Variants in GP1BA observed in about 807,000 individuals in gnomAD.
GP1BA encodes the protein platelet glycoprotein Ib alpha chain.
In GP1BA, 3 loss-of-function variants were observed where a neutral mutation model predicts 5.6. The ratio of observed to expected loss-of-function variants is 0.53; its 90% CI spans 0.24 to 1.38. The LOEUF (loss-of-function observed/expected upper bound fraction) is 1.38. Ranked by LOEUF, GP1BA falls within the 40% of genes most tolerant of loss-of-function variation. The pLI is 0.16. For missense variants in GP1BA, 707 were observed against 801.4 expected, an observed-to-expected ratio of 0.88 and a Z score of 1.42; for synonymous variants, 323 against 358.3, an observed-to-expected ratio of 0.90 and a Z score of 1.11.
chr17:4,932,839 G>C lies in GP1BA; in HGVS notation c.235G>C (p.Asp79His). The C allele has an allele frequency of 6.2e-7, 1 of 1,614,054 alleles. No individual in the cohort carries two copies. The change falls in exon 2 of 2, where the codon GAT (aspartate) becomes CAT (histidine). Residue 79 changes from aspartate (D) to histidine (H), a missense_variant. By Grantham distance (81) the Asp-to-His change is moderately conservative. Around this residue, in one of 3 missense-constraint regions of GP1BA, gnomAD observed 442 missense variants for 498.8 expected, o/e 0.89. Transcript: ENST00000329125. This position sits in a 1 kb window ranked among gnomAD's most constrained non-coding sequence, Gnocchi z 4.8. ...PYTRLTQLNL[D>H]RCELTKLQVD... Reference sequence around the variant, plus strand: ...CACTCGCCTCACTCAGCTGAACCTAGATAGGTGCGAGCTCACCAAGCTCCA... The same window carrying C: ...CACTCGCCTCACTCAGCTGAACCTACATAGGTGCGAGCTCACCAAGCTCCA...
At position 4,932,398 on chromosome 17, in the gene GP1BA, G is replaced by A. The variant is rs2243109; in HGVS notation, c.-7+33G>A. On this transcript the variant is annotated intron_variant, in intron 1 of 1. Transcript: ENST00000329125. This position sits in a 1 kb window ranked among gnomAD's most constrained non-coding sequence, Gnocchi z 4.8. ...GGGGTTGGTGCTGGGGCAGGAGAGG[G>A]GTCTGAGGGAGGGGAAAGAGCCAAG... 19,212 of 1,401,286 alleles carry A rather than the reference G, an allele frequency of 0.014. 159 individuals are homozygous for A. The highest frequency in any genetic ancestry group is 0.016 in the Non-Finnish European group (17,153 of 1,075,216). 86.8% of individuals were successfully genotyped at this position (1,401,286 alleles called of 1,614,324 possible). A position where few individuals can be genotyped will look rare whatever the true frequency, so the allele number is the denominator to read the frequency against.
rs769549652 is a variant in GP1BA, at chr17:4,933,094, C to G, written c.490C>G (p.Pro164Ala). 2.5e-6 allele frequency: 4 copies of G among 1,613,850 alleles called. No homozygotes were observed. Among genetic ancestry groups the G allele is most frequent in the Admixed American group, 3.3e-5 (2 of 60,006 alleles). The change falls in exon 2 of 2, where the codon CCC becomes GCC. Residue 164 changes from proline to alanine, a missense_variant. Pro to Ala is a conservative substitution (Grantham distance 27). Coordinates refer to ENST00000329125, the MANE Select transcript of GP1BA (RefSeq NM_000173.7). ...TLPPGLLTPTPKLEKLSLANN... is the reference protein window; with the variant it reads ...TLPPGLLTPTAKLEKLSLANN... ...GCCCCCAGGGCTCCTGACGCCCACA[C>G]CCAAGCTGGAGAAGCTCAGTCTGGC...
In GP1BA at chr17:4,933,891, G is replaced by T. The variant is rs1567648456; in HGVS notation, c.1287G>T (p.Glu429Asp). 1.4e-5 allele frequency: 10 copies of T among 735,456 alleles called. 1 individual carries two copies. The highest frequency in any genetic ancestry group is 2.5e-4 in the East Asian group (1 of 4,066). The allele number at this position is 735,456 out of a possible 1,614,324, so 45.6% of individuals were successfully genotyped here. A position where few individuals can be genotyped will look rare whatever the true frequency, so the allele number is the denominator to read the frequency against. ...CGACCACCCCGGAGCCCACCTCAGA[G>T]CCCGCCCCCAGCCCGACCACCCCAG... ...PSPTTPEPTS[E>D]PAPSPTTPEP... is the part of the protein sequence containing the mutation. The change falls in exon 2 of 2, where the codon GAG (glutamate) becomes GAT (aspartate). Residue 429 changes from glutamate to aspartate, a missense_variant. Transcript: ENST00000329125.
At position 4,933,475 on chromosome 17, in the gene GP1BA, C is replaced by G. The variant is rs770059537; in HGVS notation, c.871C>G (p.Leu291Val). 1 of 1,613,752 alleles carries G rather than the reference C, an allele frequency of 6.2e-7. No individual in the cohort carries two copies. The highest frequency in any genetic ancestry group is 1.3e-5 in the African/African-American group (1 of 74,860). Reference sequence around the variant, plus strand: ...CCTTGGTGATGAAGGTGACACAGACCTATATGATTACTACCCAGAAGAGGA... The same window carrying G: ...CCTTGGTGATGAAGGTGACACAGACGTATATGATTACTACCCAGAAGAGGA... ...PTLGDEGDTD[L>V]YDYYPEEDTE... The change falls in exon 2 of 2, where the codon CTA (leucine) becomes GTA (valine). Residue 291 changes from leucine (L) to valine (V), a missense_variant. Coordinates refer to ENST00000329125, the MANE Select transcript of GP1BA (RefSeq NM_000173.7).
At position 4,933,199 on chromosome 17, in the gene GP1BA, T is replaced by C; in HGVS notation, c.595T>C (p.Ser199Pro). 6.2e-7 allele frequency: 1 copy of C among 1,614,010 alleles called. No individual in the cohort carries two copies. Among genetic ancestry groups the C allele is most frequent in the Non-Finnish European group, 8.5e-7 (1 of 1,179,886 alleles). Residue 199 changes from serine to proline, a missense_variant, in exon 2 of 2, where the codon TCG becomes CCG. Transcript: ENST00000329125. ...CGACACCCTTCTCCTCCAAGAGAAC[T>C]CGCTGTATACAATACCAAAGGGCTT... ...NLDTLLLQEN[S>P]LYTIPKGFFG...
chr17:4,933,161 G>C lies in GP1BA; in HGVS notation c.557G>C (p.Gly186Ala). ...GAGCTCCCCGCTGGGCTCCTGAATGGGCTGGAGAATCTCGACACCCTTCTC... is the reference window on the plus strand; with the variant it reads ...GAGCTCCCCGCTGGGCTCCTGAATGCGCTGGAGAATCTCGACACCCTTCTC... ...LTELPAGLLN[G>A]LENLDTLLLQ... is the part of the protein sequence containing the mutation. Residue 186 changes from glycine (G) to alanine (A), a missense_variant, in exon 2 of 2, where the codon GGG becomes GCG. Transcript: ENST00000329125. 1 of 1,613,940 alleles carries C rather than the reference G, an allele frequency of 6.2e-7. No individual in the cohort carries two copies. The highest frequency in any genetic ancestry group is 8.5e-7 in the Non-Finnish European group (1 of 1,179,852).
rs201621946 is a variant in GP1BA at position 4,934,507 on chromosome 17, C to T, written c.1903C>T (p.Arg635Cys). The T allele has an allele frequency of 6.9e-5, 112 of 1,614,024 alleles. No homozygotes were observed. The highest frequency in any genetic ancestry group is 4.9e-4 in the Middle Eastern group (3 of 6,062). Residue 635 changes from arginine (R) to cysteine (C), a missense_variant, in exon 2 of 2, where the codon CGT becomes TGT. This residue lies in a region of GP1BA where 247 missense variants were observed against 246.6 expected (regional missense o/e 1.00). Coordinates refer to ENST00000329125, the MANE Select transcript of GP1BA (RefSeq NM_000173.7). ...GAGGCCCTCAGCTCTGAGTCAGGGT[C>T]GTGGTCAGGACCTGCTGAGCACAGT... ...GRRPSALSQG[R>C]GQDLLSTVSI...
In GP1BA at chr17:4,934,892, A is replaced by G. The variant is rs967227878; in HGVS notation, c.*329A>G. ...CAGAAGAAAATCTGGAAAGTGATTT[A>G]TCAGGATGTGAGCACTCGTTGTGTC... On this transcript the variant is annotated 3_prime_UTR_variant, in exon 2 of 2. Transcript: ENST00000329125. 7.4e-6 allele frequency: 3 copies of G among 406,590 alleles called. No homozygotes were observed. Among genetic ancestry groups the G allele is most frequent in the East Asian group, 1.1e-4 (2 of 19,012 alleles). 25.2% of individuals were successfully genotyped at this position (406,590 alleles called of 1,614,324 possible).
chr17:4,933,350 G>C lies in GP1BA; in HGVS notation c.746G>C (p.Gly249Ala). ...GAAAATGTCTACGTATGGAAGCAAG[G>C]TGTGGACGTCAAGGCCATGACCTCT... is the stretch of plus-strand genomic sequence containing the variant. ...NAENVYVWKQ[G>A]VDVKAMTSNV... The change falls in exon 2 of 2, where the codon GGT (glycine) becomes GCT (alanine). Residue 249 changes from glycine (G) to alanine (A), a missense_variant. Gly to Ala is a moderately conservative substitution (Grantham distance 60, BLOSUM62 0). Coordinates refer to ENST00000329125, the MANE Select transcript of GP1BA (RefSeq NM_000173.7). 6.2e-7 allele frequency: 1 copy of C among 1,614,000 alleles called. No individual in the cohort carries two copies. Among genetic ancestry groups the C allele is most frequent in the Non-Finnish European group, 8.5e-7 (1 of 1,179,888 alleles).
rs1380752202 is a variant in GP1BA at position 4,934,552 on chromosome 17, C to A, written c.1948C>A (p.His650Asn). Residue 650 changes from histidine (H) to asparagine (N), a missense_variant, in exon 2 of 2, where the codon CAC becomes AAC. Physicochemically the swap from His to Asn is moderately conservative, Grantham distance 68. Around this residue, in one of 3 missense-constraint regions of GP1BA, gnomAD observed 247 missense variants for 246.6 expected, o/e 1.00. Transcript: ENST00000329125. ...LSTVSIRYSG[H>N]SL ...CACAGTGAGCATTAGGTACTCTGGC[C>A]ACAGCCTCTGAGGGTGGGAGGTTTG... The A allele has an allele frequency of 6.2e-7, 1 of 1,613,824 alleles. No homozygotes were observed. The highest frequency in any genetic ancestry group is 8.5e-7 in the Non-Finnish European group (1 of 1,179,890).
In GP1BA at chr17:4,932,321, A is replaced by C. The variant is rs974847989; in HGVS notation, c.-51A>C. 8 of 1,292,438 alleles carry C rather than the reference A, an allele frequency of 6.2e-6. No individual in the cohort carries two copies. The highest frequency in any genetic ancestry group is 6.9e-6 in the Non-Finnish European group (7 of 1,012,716). 80.1% of individuals were successfully genotyped at this position (1,292,438 alleles called of 1,614,324 possible). A position where few individuals can be genotyped will look rare whatever the true frequency, so the allele number is the denominator to read the frequency against. ...AGAGAGAAGGACGGAGTCGAGTGGC[A>C]CCCTAGAAGACGCTCTGTGCCTTCG... On this transcript the variant is annotated 5_prime_UTR_variant, in exon 1 of 2. Transcript: ENST00000329125. This position sits in a 1 kb window ranked among gnomAD's most constrained non-coding sequence, Gnocchi z 4.8.
At position 4,934,101 on chromosome 17, in the gene GP1BA, T is replaced by A. The variant is rs1387916977; in HGVS notation, c.1497T>A (p.Asp499Glu). Reference sequence around the variant, plus strand: ...CCAAAAAAACCATCCCTGAACTTGATCAGCCACCAAAGCTCCGTGGGGTGC... The same window carrying A: ...CCAAAAAAACCATCCCTGAACTTGAACAGCCACCAAAGCTCCGTGGGGTGC... ...ESTKKTIPEL[D>E]QPPKLRGVLQ... is the part of the protein sequence containing the mutation. The change falls in exon 2 of 2, where the codon GAT becomes GAA. Residue 499 changes from aspartate (D) to glutamate (E), a missense_variant. This residue lies in a region of GP1BA where 247 missense variants were observed against 246.6 expected (regional missense o/e 1.00). Coordinates refer to ENST00000329125, the MANE Select transcript of GP1BA (RefSeq NM_000173.7). The A allele has an allele frequency of 6.2e-7, 1 of 1,613,794 alleles. No individual in the cohort carries two copies.
Position 4,934,686 on chromosome 17 carries a change from T to A in GP1BA, c.*123T>A. 1 of 974,346 alleles carries A rather than the reference T, an allele frequency of 1.0e-6. No homozygotes were observed. The highest frequency in any genetic ancestry group is 1.6e-6 in the Non-Finnish European group (1 of 635,020). The allele number at this position is 974,346 out of a possible 1,614,324, so 60.4% of individuals were successfully genotyped here. On this transcript the variant is annotated 3_prime_UTR_variant, in exon 2 of 2. Coordinates refer to ENST00000329125, the MANE Select transcript of GP1BA (RefSeq NM_000173.7). Reference sequence around the variant, plus strand: ...AGGGGTCTTAGTTCCTTTTTCTGTATCAGAAGCCCTGTCTTCACAACACAG... The same window carrying A: ...AGGGGTCTTAGTTCCTTTTTCTGTAACAGAAGCCCTGTCTTCACAACACAG...
chr17:4,933,548 C>T lies in GP1BA; in HGVS notation c.944C>T (p.Pro315Leu). Residue 315 changes from proline to leucine, a missense_variant, in exon 2 of 2, where the codon CCC becomes CTC. Coordinates refer to ENST00000329125, the MANE Select transcript of GP1BA (RefSeq NM_000173.7). ...GCCACAAGGACTGTGGTCAAGTTCC[C>T]CACCAAAGCCCATACAACCCCCTGG... ...VRATRTVVKFPTKAHTTPWGL... is the reference protein window; with the variant it reads ...VRATRTVVKFLTKAHTTPWGL... The T allele has an allele frequency of 1.2e-6, 2 of 1,613,916 alleles. No homozygotes were observed. The highest frequency in any genetic ancestry group is 1.7e-5 in the Admixed American group (1 of 60,014).
rs373000950 is a variant in GP1BA, at chr17:4,933,967, A to G, written c.1363A>G (p.Ile455Val). Reference sequence around the variant, plus strand: ...CCCGACCACCCCGGAGCCCACCCCAATCCCGACCATCGCCACAAGCCCGAC... The same window carrying G: ...CCCGACCACCCCGGAGCCCACCCCAGTCCCGACCATCGCCACAAGCCCGAC... Reference protein sequence around the residue: ...PSPTTPEPTPIPTIATSPTIL... With the variant: ...PSPTTPEPTPVPTIATSPTIL... The change falls in exon 2 of 2, where the codon ATC becomes GTC. Residue 455 changes from isoleucine to valine, a missense_variant. Ile to Val is a conservative substitution (Grantham distance 29). Coordinates refer to ENST00000329125, the MANE Select transcript of GP1BA (RefSeq NM_000173.7). The G allele has an allele frequency of 1.3e-6, 2 of 1,558,706 alleles. No homozygotes were observed. Among genetic ancestry groups the G allele is most frequent in the African/African-American group, 2.8e-5 (2 of 71,016 alleles).
Position 4,932,291 on chromosome 17 carries a change from C to A in GP1BA, c.-81C>A. ...GCCACTGGCTTAGTCCTCCATGGGG[C>A]TAGAAGAGAGAAGGACGGAGTCGAG... On this transcript the variant is annotated 5_prime_UTR_variant, in exon 1 of 2. Transcript: ENST00000329125. This position sits in a 1 kb window ranked among gnomAD's most constrained non-coding sequence, Gnocchi z 4.8. 8.2e-7 allele frequency: 1 copy of A among 1,215,938 alleles called. No individual in the cohort carries two copies. Among genetic ancestry groups the A allele is most frequent in the African/African-American group, 1.5e-5 (1 of 65,014 alleles). The allele number at this position is 1,215,938 out of a possible 1,614,324, so 75.3% of individuals were successfully genotyped here. A position where few individuals can be genotyped will look rare whatever the true frequency, so the allele number is the denominator to read the frequency against.
rs56337033 is a variant in GP1BA at position 4,932,332 on chromosome 17, C to T, written c.-40C>T. 3,923 of 1,323,116 alleles carry T rather than the reference C, an allele frequency of 3.0e-3. 9 individuals carry two copies. The highest frequency in any genetic ancestry group is 3.3e-3 in the Non-Finnish European group (3,417 of 1,031,018). The allele number at this position is 1,323,116 out of a possible 1,614,324, so 82.0% of individuals were successfully genotyped here. A position where few individuals can be genotyped will look rare whatever the true frequency, so the allele number is the denominator to read the frequency against. ...CGGAGTCGAGTGGCACCCTAGAAGA[C>T]GCTCTGTGCCTTCGGAGGTCTTTCT... On this transcript the variant is annotated 5_prime_UTR_variant, in exon 1 of 2. In the 5' UTR this introduces an upstream ATG that the reference lacks. Coordinates refer to ENST00000329125, the MANE Select transcript of GP1BA (RefSeq NM_000173.7). This position sits in a 1 kb window ranked among gnomAD's most constrained non-coding sequence, Gnocchi z 4.8.
rs943414491 is a variant in GP1BA at position 4,934,416 on chromosome 17, T to C, written c.1812T>C (p.Thr604=). Residue 604 remains threonine (T), a synonymous_variant, in exon 2 of 2, where the codon ACT becomes ACC. Transcript: ENST00000329125. Reference sequence around the variant, plus strand: ...TCTTCCTTCGAGGTTCGCTTCCCACTTTCCGCTCCAGCCTCTTCCTGTGGG... The same window carrying C: ...TCTTCCTTCGAGGTTCGCTTCCCACCTTCCGCTCCAGCCTCTTCCTGTGGG... ...WLLFLRGSLP[T]FRSSLFLWVR... The C allele has an allele frequency of 2.1e-5, 34 of 1,614,064 alleles. No individual in the cohort carries two copies. The highest frequency in any genetic ancestry group is 2.8e-5 in the Non-Finnish European group (33 of 1,179,902).
Position 4,933,369 on chromosome 17 carries a change from G to A in GP1BA, c.765G>A (p.Met255Ile). 6.2e-7 allele frequency: 1 copy of A among 1,613,938 alleles called. No individual in the cohort carries two copies. The highest frequency in any genetic ancestry group is 2.2e-5 in the East Asian group (1 of 44,884). Residue 255 changes from methionine (M) to isoleucine (I), a missense_variant, in exon 2 of 2, where the codon ATG becomes ATA. This residue lies in a region of GP1BA where 442 missense variants were observed against 498.8 expected (regional missense o/e 0.89). Coordinates refer to ENST00000329125, the MANE Select transcript of GP1BA (RefSeq NM_000173.7). ...VWKQGVDVKAMTSNVASVQCD... is the reference protein window; with the variant it reads ...VWKQGVDVKAITSNVASVQCD... ...AGCAAGGTGTGGACGTCAAGGCCAT[G>A]ACCTCTAACGTGGCCAGTGTGCAGT...
Sources: allele counts gnomAD v4.1 joint callset, GRCh38; gene constraint gnomAD v4.1.1; regional missense constraint gnomAD v4.1.1; non-coding constraint Gnocchi (gnomAD v3.1); transcripts MANE v1.5; gene names NCBI Gene and HGNC (gene_info 2026-07-23, HGNC 2026-07-21).